GNAQ: variants seen among roughly 807,000 people sequenced by gnomAD.
GNAQ encodes the protein guanine nucleotide-binding protein G(q) subunit alpha.
GNAQ carries 8 observed loss-of-function variants against 43.9 expected under a neutral mutation model. The observed-to-expected ratio is 0.18, with a 90% confidence interval of 0.11 to 0.33. The LOEUF (loss-of-function observed/expected upper bound fraction) is 0.33. GNAQ is among the 10% of genes least tolerant of loss of function. The pLI, the probability that GNAQ is intolerant of heterozygous loss-of-function variation, is 1.00. For synonymous variants in GNAQ, 155 were observed against 170.7 expected, an observed-to-expected ratio of 0.91 and a Z score of 0.71; for missense variants, 158 against 450.8, an observed-to-expected ratio of 0.35 and a Z score of 5.88.
At chr9:78,020,866 T>C (rs1247521875) in intron 1 of GNAQ, among the ~76,000 whole-genome samples, 3 of 152,120 alleles carry the variant, frequency 2.0e-5, no homozygotes, top group Non-Finnish European at 4.4e-5. Flanking sequence ...GATAAGTTGA[T>C]GAGGAGAAGG....
chr9:78,014,043 C>G (rs191635626), intron 1 of GNAQ, among the ~76,000 whole-genome samples: 1 of 152,148 alleles, frequency 6.6e-6, no homozygotes. Context: ...TTGAATATGA[C>G]TACTAAAAGT....
At chr9:77,838,874 A>C (rs984284553) in intron 2 of GNAQ, among the ~76,000 whole-genome samples, 2 of 152,132 alleles carry the variant, frequency 1.3e-5, no homozygotes, top group African/African-American at 4.8e-5. Flanking sequence ...TTTAGTGGCA[A>C]TTCTGAAGAG....
intron 1 of GNAQ, among the ~76,000 whole-genome samples, chr9:77,952,822 T>C (rs182366322): frequency 3.2e-4 from 48 of 152,270 alleles, no homozygotes; most frequent in Non-Finnish European, 6.2e-4. Flanking sequence ...AAACAAAATA[T>C]CAGGTTTCAT....
intron 1 of GNAQ, among the ~76,000 whole-genome samples, chr9:77,979,885 C>T (rs1442746384): frequency 2.0e-5 from 3 of 152,072 alleles, no homozygotes; most frequent in Non-Finnish European, 2.9e-5. Context: ...TGAAAAACAA[C>T]GTAAGACAAA....
intron 5 of GNAQ, among the ~76,000 whole-genome samples, chr9:77,767,829 G>A (rs866421723): frequency 1.3e-5 from 2 of 152,026 alleles, no homozygotes; most frequent in Non-Finnish European, 2.9e-5. Flanking sequence ...TGAAGTCATG[G>A]TGCCCACCTA....
At chr9:77,992,294 C>T (rs556908685) in intron 1 of GNAQ, among the ~76,000 whole-genome samples, 71 of 152,272 alleles carry the variant, frequency 4.7e-4, no homozygotes, top group South Asian at 1.0e-3. Context: ...TAGTCAACTA[C>T]CTTAATTTCC....
At chr9:77,919,533 T>C (rs1587409712) in intron 2 of GNAQ, among the ~76,000 whole-genome samples, 1 of 151,982 alleles carries the variant, frequency 6.6e-6, no homozygotes, top group African/African-American at 2.4e-5. Context: ...GGAGTAGACA[T>C]GATGTCCTTA....
chr9:77,943,398 C>T (rs1829341813), intron 1 of GNAQ, among the ~76,000 whole-genome samples: 2 of 152,144 alleles, frequency 1.3e-5, no homozygotes, highest in South Asian at 2.1e-4. Context: ...TAACATGACA[C>T]GGGCAAGAAC....
At chr9:77,823,935 G>A (rs1827153397) in intron 2 of GNAQ, among the ~76,000 whole-genome samples, 1 of 152,064 alleles carries the variant, frequency 6.6e-6, no homozygotes, top group Non-Finnish European at 1.5e-5. Flanking sequence ...TATTATTCAA[G>A]GAAGTGTGCA....
chr9:77,924,812 G>C (rs1208624528), intron 1 of GNAQ, among the ~76,000 whole-genome samples: 1 of 152,086 alleles, frequency 6.6e-6, no homozygotes, highest in Non-Finnish European at 1.5e-5. Context: ...ATATTTTCCT[G>C]TTGGCCAGAA....
chr9:78,024,398 T>C (rs1823950747), intron 1 of GNAQ, among the ~76,000 whole-genome samples: 1 of 152,172 alleles, frequency 6.6e-6, no homozygotes. Context: ...TCCATTCTTT[T>C]TGGAATCCAG....
chr9:77,798,555 T>A (rs4744851), intron 3 of GNAQ, among the ~76,000 whole-genome samples: 81,914 of 152,032 alleles, frequency 0.54, 24,809 homozygotes, highest in Middle Eastern at 0.69. Context: ...TATACAGTCA[T>A]CCCTCAGTAT....
intron 5 of GNAQ, among the ~76,000 whole-genome samples, chr9:77,786,148 C>T (rs1180778786): frequency 4.0e-5 from 6 of 151,888 alleles, no homozygotes; most frequent in South Asian, 2.1e-4. Context: ...GAGGCTGAGG[C>T]GGGCAGATCG....
At chr9:77,961,424 G>C (rs917351720) in intron 1 of GNAQ, among the ~76,000 whole-genome samples, 1 of 152,096 alleles carries the variant, frequency 6.6e-6, no homozygotes, top group Non-Finnish European at 1.5e-5. Flanking sequence ...GGAAAGAGCT[G>C]AACAGAGAGA....
intron 2 of GNAQ, among the ~76,000 whole-genome samples, chr9:77,869,472 A>G (rs962226349): frequency 2.0e-5 from 3 of 152,194 alleles, no homozygotes; most frequent in Non-Finnish European, 2.9e-5. Flanking sequence ...GCTTATGCAG[A>G]ATTTTGAATT....
chr9:77,731,827 CATG>C (rs1825494443), intron 5 of GNAQ, among the ~76,000 whole-genome samples: 1 of 152,206 alleles, frequency 6.6e-6, no homozygotes. Context: ...ATCCCATTTT[CATG>C]ATAAGAAGTG....
At position 77,934,549 on chromosome 9, in the gene GNAQ, G is replaced by C. The variant is rs140588088; in HGVS notation, c.137-12204C>G. Among the ~76,000 whole-genome samples, 11 of 152,232 alleles carry C rather than the reference G, an allele frequency of 7.2e-5. No individual in the cohort carries two copies. In the East Asian group the frequency reaches 9.7e-4, roughly 13 times the overall value. On this transcript the variant is annotated intron_variant, in intron 1 of 6. Coordinates refer to ENST00000286548, the MANE Select transcript of GNAQ (RefSeq NM_002072.5). ...TACTGCCCCAGTTAAGAGAAGCAAT[G>C]ATCTAGGAAGTCTCAAAAAATACGC...
intron 2 of GNAQ, among the ~76,000 whole-genome samples, chr9:77,840,357 T>TG (rs1732098986): frequency 6.6e-6 from 1 of 151,258 alleles, no homozygotes; most frequent in African/African-American, 2.4e-5. Context: ...CTTTTTGTTT[T>TG]TTTTTTTTTT....
chr9:77,904,805 T>C (rs1828676438), intron 2 of GNAQ, among the ~76,000 whole-genome samples: 1 of 152,168 alleles, frequency 6.6e-6, no homozygotes, highest in African/African-American at 2.4e-5. Flanking sequence ...GCAGCTATTA[T>C]TTTTTGTATA....
Sources: gnomAD v4.1 joint callset for allele counts (sites outside exome capture counted in the v4.1 genomes callset) on GRCh38, gnomAD v4.1.1 for gene constraint, MANE v1.5 for transcripts, NCBI Gene and HGNC (gene_info 2026-07-23, HGNC 2026-07-21) for gene names.